The following RAN variants were observed in gnomAD, a reference collection of about 807,000 sequenced individuals.
RAN encodes the protein RAN, member RAS oncogene family.
A neutral mutation model predicts 26.8 loss-of-function variants in RAN; 2 were observed. The ratio of observed to expected loss-of-function variants is 0.07; its 90% CI spans 0.03 to 0.23. The LOEUF (loss-of-function observed/expected upper bound fraction) is 0.23. RAN is among the 10% of genes least tolerant of loss of function. The pLI, the probability that RAN is intolerant of heterozygous loss-of-function variation, is 1.00. For synonymous variants in RAN, 132 were observed against 95.9 expected, an observed-to-expected ratio of 1.38 and a Z score of -2.20; for missense variants, 56 against 264.8, an observed-to-expected ratio of 0.21 and a Z score of 5.47.
At position 130,876,708 on chromosome 12, in the gene RAN, G is replaced by C. The variant is rs1953251117; in HGVS notation, c.*782G>C. On this transcript the variant is annotated 3_prime_UTR_variant, in exon 7 of 7. Transcript: ENST00000543796. Reference sequence around the variant, plus strand: ...TTTAATGTAGAACCTCAAACAGGATGGAACATCAGTGGATGGCAGGAGGTT... The same window carrying C: ...TTTAATGTAGAACCTCAAACAGGATCGAACATCAGTGGATGGCAGGAGGTT... 6.6e-6 allele frequency: 1 copy of C among 152,172 alleles called. No individual in the cohort carries two copies. Among genetic ancestry groups the C allele is most frequent in the Non-Finnish European group, 1.5e-5 (1 of 68,018 alleles). The allele number at this position is 152,172 out of a possible 1,614,324, so 9.4% of individuals were successfully genotyped here.
At chr12:130,873,406 A>G in intron 4 of RAN, 1 of 350,504 alleles carries the variant, frequency 2.9e-6, no homozygotes, top group Non-Finnish European at 5.4e-6. Context: ...GGCTGTTAAC[A>G]GCAGTTTCAG....
chr12:130,873,839 A>G (rs1185659549), intron 4 of RAN: 2 of 162,744 alleles, frequency 1.2e-5, no homozygotes, highest in South Asian at 1.4e-4. Flanking sequence ...TTATTCCTGC[A>G]GGTGAATATA....
chr12:130,873,488 C>G (rs1024322184), intron 4 of RAN: 1 of 248,578 alleles, frequency 4.0e-6, no homozygotes, highest in African/African-American at 2.3e-5. Flanking sequence ...TATTAGAAAA[C>G]AATAAACACC....
chr12:130,875,155 G>T (rs372801140), intron 5 of RAN, among the ~76,000 whole-genome samples: 7 of 151,824 alleles, frequency 4.6e-5, no homozygotes, highest in Non-Finnish European at 1.0e-4. Flanking sequence ...TTATACTACT[G>T]TTTTTAAAGA....
At chr12:130,874,754 C>T (rs750196474) in intron 5 of RAN, 21 bp downstream of exon 5, 17 of 1,580,952 alleles carry the variant, frequency 1.1e-5, no homozygotes, top group Non-Finnish European at 1.5e-5. Context: ...TTAAAACTTC[C>T]TGAGTTATTT....
At chr12:130,873,189 G>T in intron 4 of RAN, 61 bp downstream of exon 4, 1 of 1,604,330 alleles carries the variant, frequency 6.2e-7, no homozygotes, top group African/African-American at 1.3e-5. Flanking sequence ...AGTCTTCAAG[G>T]TTATAGAAAA....
chr12:130,872,811 A>G, intron 2 of RAN, 25 bp from the exon 3 acceptor site: 1 of 1,612,752 alleles, frequency 6.2e-7, no homozygotes, highest in Non-Finnish European at 8.5e-7. Context: ...TTTAGGGTTT[A>G]CTTCCAAAAT....
intron 1 of RAN, 137 bp downstream of exon 1, chr12:130,872,263 C>T: frequency 6.5e-6 from 1 of 152,902 alleles, no homozygotes; most frequent in South Asian, 1.8e-4. Flanking sequence ...GTGGGTGGTG[C>T]GGGCCCGGCC....
chr12:130,875,528 C>T (rs1953223329), intron 5 of RAN, 84 bp from the exon 6 acceptor site: 14 of 1,278,630 alleles, frequency 1.1e-5, no homozygotes, highest in Non-Finnish European at 1.4e-5. Flanking sequence ...AGAATCTTAA[C>T]ATTTTCTTAT....
At chr12:130,874,380 G>A in intron 4 of RAN, 166 bp from the exon 5 acceptor site, 2 of 572,372 alleles carry the variant, frequency 3.5e-6, no homozygotes, top group Non-Finnish European at 6.1e-6. Flanking sequence ...GAGGAATTGT[G>A]TATTAACATT....
chr12:130,875,579 T>C (rs373435717), intron 5 of RAN, 33 bp from the exon 6 acceptor site: 15 of 1,509,542 alleles, frequency 9.9e-6, no homozygotes, highest in Non-Finnish European at 1.2e-5. Context: ...AATAATGAAT[T>C]TTAAAAAGTA....
Position 130,877,541 on chromosome 12 carries a change from C to T in RAN, c.*1615C>T, listed in dbSNP as rs565697210. The T allele has an allele frequency of 2.0e-5, 3 of 152,304 alleles. No individual in the cohort carries two copies. The highest frequency in any genetic ancestry group is 7.2e-5 in the African/African-American group (3 of 41,554). The allele number at this position is 152,304 out of a possible 1,614,324, so 9.4% of individuals were successfully genotyped here. On this transcript the variant is annotated 3_prime_UTR_variant, in exon 7 of 7. Transcript: ENST00000543796. ...TTGTGGAGATTGCAAGTGGTGTTGACATTCTGGATCTTCTATGTAACAGTT... is the reference window on the plus strand; with the variant it reads ...TTGTGGAGATTGCAAGTGGTGTTGATATTCTGGATCTTCTATGTAACAGTT...
chr12:130,874,367 TAGG>T lies in RAN; in HGVS notation c.248-174_248-172del, dbSNP rs2136402543. ...TTTGATAGGGTCAGCTCATCTCTCT[TAGG>T]AGGAATTGTGTATTAACATTTTTAG... On this transcript the variant is annotated intron_variant, in intron 4 of 6. Coordinates refer to ENST00000543796, the MANE Select transcript of RAN (RefSeq NM_006325.5). The T allele has an allele frequency of 9.0e-6, 5 of 558,108 alleles. No individual in the cohort carries two copies. In the East Asian group the frequency reaches 1.2e-4, roughly 13 times the overall value. 34.6% of individuals were successfully genotyped at this position (558,108 alleles called of 1,614,324 possible).
chr12:130,872,797 A>G, intron 2 of RAN, 39 bp from the exon 3 acceptor site: 6 of 1,604,884 alleles, frequency 3.7e-6, no homozygotes, highest in East Asian at 2.2e-5. Context: ...TGAGAGGTGA[A>G]GTGTTTAGGG....
chr12:130,875,446 T>C (rs960620723), intron 5 of RAN, among the ~76,000 whole-genome samples, 166 bp from the exon 6 acceptor site: 1 of 151,258 alleles, frequency 6.6e-6, no homozygotes, highest in African/African-American at 2.4e-5. Context: ...TCGTGTACTA[T>C]TGGCCTCAGG....
intron 4 of RAN, 58 bp from the exon 5 acceptor site, chr12:130,874,488 A>T: frequency 1.5e-6 from 2 of 1,369,022 alleles, no homozygotes; most frequent in African/African-American, 2.9e-5. Flanking sequence ...TCTGGTTCTT[A>T]GCATTCTTCA....
At chr12:130,872,662 G>C (rs756874644) in intron 2 of RAN, 33 bp downstream of exon 2, 1 of 1,524,294 alleles carries the variant, frequency 6.6e-7, no homozygotes, top group Non-Finnish European at 8.8e-7. Flanking sequence ...AGGCGGCCGA[G>C]CCCGACCGCG....
intron 4 of RAN, 40 bp from the exon 5 acceptor site, chr12:130,874,506 A>C: frequency 2.1e-6 from 3 of 1,460,836 alleles, no homozygotes; most frequent in Non-Finnish European, 2.8e-6. Context: ...TCACTTGTGC[A>C]GTAAACTGAG....
chr12:130,872,401 GGGCCCCGCCGCCCCGGATGCC>G, intron 1 of RAN, 162 bp from the exon 2 acceptor site: 1 of 171,754 alleles, frequency 5.8e-6, no homozygotes, highest in South Asian at 1.9e-4. Context: ...GCCGTTCCCC[GGGCCCCGCCGCCCCGGATGCC>G]GGCCCCGCCC....
Sources: gnomAD v4.1 joint callset for allele counts (sites outside exome capture counted in the v4.1 genomes callset) on GRCh38, gnomAD v4.1.1 for gene constraint, MANE v1.5 for transcripts, NCBI Gene and HGNC (gene_info 2026-07-23, HGNC 2026-07-21) for gene names.